The following PCDHA10 variants were observed in gnomAD, a reference collection of about 807,000 sequenced individuals.
PCDHA10 encodes protocadherin alpha 10.
Under a neutral mutation model 61.2 loss-of-function variants are expected in PCDHA10, and 45 were observed. That is an observed-to-expected ratio of 0.74 (90% CI 0.58 to 0.94). The LOEUF is 0.94. Ranked by LOEUF, PCDHA10 falls within the 40% of genes least tolerant of loss-of-function variation. The probability of loss-of-function intolerance (pLI) is 0.00; values close to 1 mark genes in which losing one functional copy is unlikely to be tolerated. For synonymous variants in PCDHA10, 602 were observed against 548.8 expected, an observed-to-expected ratio of 1.10 and a Z score of -1.35; for missense variants, 1,278 against 1,236.2, an observed-to-expected ratio of 1.03 and a Z score of -0.51.
In PCDHA10 at chr5:141,012,021, A is replaced by T. The variant is rs1428323351; in HGVS notation, c.*2084A>T. 6.5e-6 allele frequency: 1 copy of T among 153,734 alleles called. No individual in the cohort carries two copies. The highest frequency in any genetic ancestry group is 1.5e-5 in the Non-Finnish European group (1 of 68,044). 9.5% of individuals were successfully genotyped at this position (153,734 alleles called of 1,614,324 possible). The stretch of plus-strand genomic sequence containing the variant: ...CATATTTTGAAGGGTGTGTAACTTC[A>T]GCTCTGCAGGATTGCATGGGGTAAA... On this transcript the variant is annotated 3_prime_UTR_variant, in exon 4 of 4. Transcript: ENST00000307360.
intron 1 of PCDHA10, chr5:140,875,642 C>A: frequency 6.2e-7 from 1 of 1,613,606 alleles, no homozygotes; most frequent in Non-Finnish European, 8.5e-7. Flanking sequence ...CTGGAGCTGG[C>A]GGAGCTGGTG....
In PCDHA10 at chr5:140,857,576, C is replaced by T; in HGVS notation, c.1528C>T (p.His510Tyr). 6.3e-7 allele frequency: 1 copy of T among 1,596,780 alleles called. No homozygotes were observed. The highest frequency in any genetic ancestry group is 1.3e-5 in the African/African-American group (1 of 74,470). The change falls in exon 1 of 4, where the codon CAC (histidine) becomes TAC (tyrosine). Residue 510 changes from histidine (H) to tyrosine (Y), a missense_variant. Coordinates refer to ENST00000307360, the MANE Select transcript of PCDHA10 (RefSeq NM_018901.4). ...ERSLSSYVSVHAESGKVYALQ... is the reference protein window; with the variant it reads ...ERSLSSYVSVYAESGKVYALQ... ...CTCGCTGTCGAGCTACGTGTCGGTG[C>T]ACGCGGAGAGCGGCAAGGTGTACGC...
At chr5:140,965,951 T>C (rs1484541931) in intron 1 of PCDHA10, among the ~76,000 whole-genome samples, 3 of 152,172 alleles carry the variant, frequency 2.0e-5, no homozygotes, top group East Asian at 1.9e-4. Flanking sequence ...GCATTTGCCA[T>C]CCCCCTCCTT....
At chr5:140,858,992 T>C (rs1452375472) in intron 1 of PCDHA10, 1 of 151,532 alleles carries the variant, frequency 6.6e-6, no homozygotes, top group African/African-American at 2.4e-5. Context: ...AGTTCATTGG[T>C]AAAAATTTCT....
At chr5:140,866,115 A>G (rs537982409) in intron 1 of PCDHA10, 85 of 152,328 alleles carry the variant, frequency 5.6e-4, no homozygotes, top group African/African-American at 1.9e-3. Flanking sequence ...GAGTTGCCTT[A>G]TAAGAACTAC....
chr5:140,978,427 GTTGCT>G (rs2096802128), intron 1 of PCDHA10, among the ~76,000 whole-genome samples: 1 of 152,196 alleles, frequency 6.6e-6, no homozygotes, highest in Non-Finnish European at 1.5e-5. Context: ...ACTGTTATCA[GTTGCT>G]GGTGTTATGA....
At chr5:140,968,133 A>C in intron 1 of PCDHA10, 6 of 1,614,140 alleles carry the variant, frequency 3.7e-6, no homozygotes, top group Non-Finnish European at 5.1e-6. Context: ...CGTACACTGA[A>C]GGTTGAGATC....
rs1023415818 is a variant in PCDHA10 at position 140,856,852 on chromosome 5, G to A, written c.804G>A (p.Ser268=). ...TLVIRLNASD[S]DEGINKEMMY... The stretch of plus-strand genomic sequence containing the variant: ...TAATACGGCTCAACGCTTCTGATTC[G>A]GATGAAGGAATAAACAAGGAAATGA... The change falls in exon 1 of 4, where the codon TCG becomes TCA. Residue 268 remains serine (S), a synonymous_variant. Coordinates refer to ENST00000307360, the MANE Select transcript of PCDHA10 (RefSeq NM_018901.4). 5.6e-6 allele frequency: 9 copies of A among 1,593,530 alleles called. No homozygotes were observed. In the African/African-American group the frequency reaches 8.1e-5, roughly 14 times the overall value.
chr5:140,917,370 C>G (rs571895312), intron 1 of PCDHA10, among the ~76,000 whole-genome samples: 24 of 150,458 alleles, frequency 1.6e-4, no homozygotes, highest in African/African-American at 5.8e-4. Context: ...CTATCTTGCT[C>G]CACCTCAATA....
rs782495760 is a variant in PCDHA10 at position 141,010,201 on chromosome 5, C to T, written c.*264C>T. Reference sequence around the variant, plus strand: ...GCAGACCCAAGTTTCCTTTCTCCTCCGCCGCAAAGGAGAGGCTTCCCAGCC... The same window carrying T: ...GCAGACCCAAGTTTCCTTTCTCCTCTGCCGCAAAGGAGAGGCTTCCCAGCC... On this transcript the variant is annotated 3_prime_UTR_variant, in exon 4 of 4. Coordinates refer to ENST00000307360, the MANE Select transcript of PCDHA10 (RefSeq NM_018901.4). The T allele has an allele frequency of 1.3e-5, 20 of 1,552,034 alleles. No individual in the cohort carries two copies. The East Asian group carries it at 1.7e-4, about 13-fold the overall frequency.
At chr5:140,862,594 A>T (rs2047439169) in intron 1 of PCDHA10, 2 of 509,414 alleles carry the variant, frequency 3.9e-6, no homozygotes, top group Non-Finnish European at 8.0e-6. Context: ...GCCCGAGTAC[A>T]TGGTGTTCGT....
At chr5:140,871,014 C>G (rs1554164974) in intron 1 of PCDHA10, 1 of 1,613,178 alleles carries the variant, frequency 6.2e-7, no homozygotes, top group East Asian at 2.2e-5. Context: ...GTGCCCTGGA[C>G]GAGGCAGACT....
At chr5:140,884,063 G>A in intron 1 of PCDHA10, 3 of 1,613,496 alleles carry the variant, frequency 1.9e-6, no homozygotes, top group Non-Finnish European at 1.7e-6. Flanking sequence ...CGCGGTGGAC[G>A]CCGATTCGGG....
At chr5:140,980,113 C>T (rs2096877031) in intron 2 of PCDHA10, among the ~76,000 whole-genome samples, 1 of 152,096 alleles carries the variant, frequency 6.6e-6, no homozygotes, top group African/African-American at 2.4e-5. Context: ...ACATTGGAAC[C>T]TGGGTCATAA....
At chr5:141,005,725 A>AAAAAAG (rs2098234610) in intron 3 of PCDHA10, among the ~76,000 whole-genome samples, 2 of 150,088 alleles carry the variant, frequency 1.3e-5, no homozygotes, top group Admixed American at 6.6e-5. Flanking sequence ...AAAAAAAAAA[A>AAAAAAG]AAAAAAGAAT....
In PCDHA10 at chr5:140,991,838, G is replaced by A. The variant is rs1056330823; in HGVS notation, c.2536+9275G>A. 3.3e-5 allele frequency among the ~76,000 whole-genome samples: 5 copies of A among 152,110 alleles called. No homozygotes were observed. In the East Asian group the frequency reaches 9.6e-4, roughly 29 times the overall value. ...TTTAGGCATTTATAACGGCAGAACC[G>A]CACTTCCAGATACCAAAATCTGTAT... On this transcript the variant is annotated intron_variant, in intron 3 of 3. Transcript: ENST00000307360.
intron 1 of PCDHA10, chr5:140,883,991 G>C: frequency 6.2e-7 from 1 of 1,612,972 alleles, no homozygotes; most frequent in South Asian, 1.1e-5. Flanking sequence ...CAGCGCGGGA[G>C]GCACAGTGAG....
chr5:140,984,419 T>C (rs564096734), intron 3 of PCDHA10, among the ~76,000 whole-genome samples: 5 of 152,290 alleles, frequency 3.3e-5, no homozygotes, highest in African/African-American at 9.6e-5. Context: ...TTTACAGAGA[T>C]AGAGAAGGGG....
At chr5:140,869,727 T>G in intron 1 of PCDHA10, 1 of 1,613,380 alleles carries the variant, frequency 6.2e-7, no homozygotes, top group Non-Finnish European at 8.5e-7. Flanking sequence ...CTCCGGAACT[T>G]AATTTGCTGC....
Sources: allele counts gnomAD v4.1 joint callset (sites outside exome capture counted in the v4.1 genomes callset), GRCh38; gene constraint gnomAD v4.1.1; transcripts MANE v1.5; gene names NCBI Gene and HGNC (gene_info 2026-07-23, HGNC 2026-07-21).